The following PSEN2 variants were observed in gnomAD, a reference collection of about 807,000 sequenced individuals.
PSEN2 encodes presenilin 2, also known as presenilin-2.
A neutral mutation model predicts 49.1 loss-of-function variants in PSEN2; 32 were observed. The ratio of observed to expected loss-of-function variants is 0.65; its 90% CI spans 0.49 to 0.88. The LOEUF is 0.88. Ranked by LOEUF, PSEN2 falls within the 40% of genes least tolerant of loss-of-function variation. The pLI is 0.00. For missense variants in PSEN2, 522 were observed against 586.9 expected (o/e 0.89, Z 1.14); for synonymous variants, 255 against 244.0 (o/e 1.05, Z -0.42).
At chr1:226,873,607 G>T (rs1660445043) in intron 2 of PSEN2, among the ~76,000 whole-genome samples, 1 of 151,976 alleles carries the variant, frequency 6.6e-6, no homozygotes, top group Non-Finnish European at 1.5e-5. Context: ...TTAGAGGCGG[G>T]GTTTCACCAT....
Position 226,888,906 on chromosome 1 carries a change from G to T in PSEN2, c.644G>T (p.Gly215Val), listed in dbSNP as rs1163002302. The T allele has an allele frequency of 6.2e-7, 1 of 1,614,230 alleles. No individual in the cohort carries two copies. Reference protein sequence around the residue: ...LLTVWNFGAVGMVCIHWKGPL... With the variant: ...LLTVWNFGAVVMVCIHWKGPL... ...ACTGTCTGGAACTTCGGGGCAGTGG[G>T]CATGGTGTGCATCCACTGGAAGGGC... The change falls in exon 8 of 13, where the codon GGC becomes GTC. Residue 215 changes from glycine (G) to valine (V), a missense_variant. Coordinates refer to ENST00000366783, the MANE Select transcript of PSEN2 (RefSeq NM_000447.3).
chr1:226,896,919 G>A (rs78018051), downstream of PSEN2, among the ~76,000 whole-genome samples: 985 of 152,254 alleles, frequency 6.5e-3, 34 homozygotes, highest in East Asian at 0.075. Flanking sequence ...TGAGTGCCGG[G>A]ACAATGCATC....
At chr1:226,879,390 T>G (rs910917664) in intron 3 of PSEN2, among the ~76,000 whole-genome samples, 1 of 152,204 alleles carries the variant, frequency 6.6e-6, no homozygotes, top group Non-Finnish European at 1.5e-5. Flanking sequence ...ACACCTCTTC[T>G]GCAAAGGCTG....
intron 2 of PSEN2, among the ~76,000 whole-genome samples, chr1:226,872,700 GGACACTGTTTA>G (rs1660382797): frequency 6.6e-6 from 1 of 152,102 alleles, no homozygotes; most frequent in South Asian, 2.1e-4. Context: ...TTTGACTTTC[GGACACTGTTTA>G]GTTGGGGACT....
At chr1:226,883,671 C>T (rs751858667) in intron 4 of PSEN2, 34 bp from the exon 5 acceptor site, 83 of 1,599,174 alleles carry the variant, frequency 5.2e-5, no homozygotes, top group Non-Finnish European at 6.9e-5. Flanking sequence ...CCGTGGGGGA[C>T]ATTCTGCGGC....
chr1:226,872,656 A>G (rs1374105486), intron 2 of PSEN2, among the ~76,000 whole-genome samples: 1 of 152,078 alleles, frequency 6.6e-6, no homozygotes, highest in Non-Finnish European at 1.5e-5. Context: ...AGTGTGTCTA[A>G]TGAAAACATC....
At chr1:226,879,794 T>C (rs1436486380) in intron 3 of PSEN2, among the ~76,000 whole-genome samples, 2 of 152,220 alleles carry the variant, frequency 1.3e-5, no homozygotes, top group Non-Finnish European at 2.9e-5. Flanking sequence ...TCCTGGCTTT[T>C]AGCTGGCTTT....
intron 7 of PSEN2, 54 bp downstream of exon 7, chr1:226,888,212 A>T: frequency 6.9e-7 from 1 of 1,445,514 alleles, no homozygotes; most frequent in Non-Finnish European, 9.7e-7. Flanking sequence ...ATGTGGCACA[A>T]GTGGACATGG....
intron 5 of PSEN2, 49 bp from the exon 6 acceptor site, chr1:226,885,489 C>A (rs199538967): frequency 1.2e-6 from 2 of 1,602,858 alleles, no homozygotes; most frequent in African/African-American, 2.7e-5. Flanking sequence ...TGGGGAGCCT[C>A]GAGGAGCAGT....
At chr1:226,875,960 G>A (rs1039968789) in intron 3 of PSEN2, among the ~76,000 whole-genome samples, 3 of 152,188 alleles carry the variant, frequency 2.0e-5, no homozygotes, top group South Asian at 2.1e-4. Flanking sequence ...TTTCCAGAAC[G>A]TAGTCTATGT....
At chr1:226,873,894 A>G (rs1174963732) in intron 2 of PSEN2, among the ~76,000 whole-genome samples, 3 of 152,128 alleles carry the variant, frequency 2.0e-5, no homozygotes, top group African/African-American at 7.2e-5. Flanking sequence ...ATGGCTGTGT[A>G]GAGCATTTGA....
At chr1:226,890,186 G>C (rs779875543) in intron 9 of PSEN2, 53 bp downstream of exon 9, 60 of 1,425,126 alleles carry the variant, frequency 4.2e-5, no homozygotes, top group South Asian at 8.0e-5. Context: ...GGCAGCCTGT[G>C]GGGGGACAGG....
chr1:226,879,493 A>G (rs941777477), intron 3 of PSEN2, among the ~76,000 whole-genome samples: 1 of 152,178 alleles, frequency 6.6e-6, no homozygotes, highest in East Asian at 1.9e-4. Flanking sequence ...CTCCTCCATC[A>G]GGCACCAAAC....
chr1:226,891,777 A>C lies in PSEN2; in HGVS notation c.1005A>C (p.Ser335=). The part of the protein sequence containing the change: ...EDSYDSFGEP[S]YPEVFEPPLT... ...CCTATGACAGTTTTGGGGAGCCTTC[A>C]TACCCCGAAGTCTTTGAGCCTCCCT... The change falls in exon 11 of 13, where the codon TCA becomes TCC. Residue 335 remains serine, a synonymous_variant. Transcript: ENST00000366783. The C allele has an allele frequency of 6.2e-7, 1 of 1,614,146 alleles. No homozygotes were observed. Among genetic ancestry groups the C allele is most frequent in the Non-Finnish European group, 8.5e-7 (1 of 1,180,010 alleles).
At position 226,895,968 on chromosome 1, in the gene PSEN2, C is replaced by T. The variant is rs1261409399; in HGVS notation, c.*389C>T. On this transcript the variant is annotated 3_prime_UTR_variant, in exon 13 of 13. Coordinates refer to ENST00000366783, the MANE Select transcript of PSEN2 (RefSeq NM_000447.3). ...AGCCAGTTCCCTACGAGGAGTGTTCCCAATGCTTTGTCCATGATGTCCTTG... is the reference window on the plus strand; with the variant it reads ...AGCCAGTTCCCTACGAGGAGTGTTCTCAATGCTTTGTCCATGATGTCCTTG... 9.2e-6 allele frequency: 3 copies of T among 327,148 alleles called. No homozygotes were observed. Among genetic ancestry groups the T allele is most frequent in the Non-Finnish European group, 1.7e-5 (3 of 172,498 alleles). The allele number at this position is 327,148 out of a possible 1,614,324, so 20.3% of individuals were successfully genotyped here. A position where few individuals can be genotyped will look rare whatever the true frequency, so the allele number is the denominator to read the frequency against.
chr1:226,890,209 G>C (rs1477502399), intron 9 of PSEN2, 76 bp downstream of exon 9: 1 of 1,283,036 alleles, frequency 7.8e-7, no homozygotes, highest in East Asian at 2.3e-5. Flanking sequence ...CCTGCTTCCT[G>C]GCCGTGGCTT....
chr1:226,887,714 C>T (rs1661452993), intron 6 of PSEN2, among the ~76,000 whole-genome samples: 2 of 152,188 alleles, frequency 1.3e-5, no homozygotes, highest in Non-Finnish European at 2.9e-5. Flanking sequence ...ATCTAACACC[C>T]CTCACACTGG....
At chr1:226,883,649 A>G (rs1161227806) in intron 4 of PSEN2, 56 bp from the exon 5 acceptor site, 158 of 1,546,212 alleles carry the variant, frequency 1.0e-4, no homozygotes, top group Non-Finnish European at 1.4e-4. Flanking sequence ...CGTGCATTAC[A>G]TGGATAGGCT....
chr1:226,883,095 C>T (rs939340932), intron 4 of PSEN2, among the ~76,000 whole-genome samples: 7 of 152,124 alleles, frequency 4.6e-5, no homozygotes, highest in Non-Finnish European at 4.4e-5. Context: ...TGCCCTCCCT[C>T]GTTACCTCCT....
Sources: gnomAD v4.1 joint callset for allele counts (sites outside exome capture counted in the v4.1 genomes callset) on GRCh38, gnomAD v4.1.1 for gene constraint, MANE v1.5 for transcripts, NCBI Gene and HGNC (gene_info 2026-07-23, HGNC 2026-07-21) for gene names.